Variants in ELSPBP1 observed in about 807,000 individuals in gnomAD.
The protein encoded by ELSPBP1 is epididymal sperm binding protein 1.
In ELSPBP1, 38 loss-of-function variants were observed where a neutral mutation model predicts 33.3. The observed-to-expected ratio is 1.14, with a 90% CI of 0.88 to 1.50. ELSPBP1 has a LOEUF of 1.50. Ranked by LOEUF, ELSPBP1 falls within the 40% of genes most tolerant of loss-of-function variation. ELSPBP1 has a pLI of 0.00. For synonymous variants in ELSPBP1, 85 were observed against 94.1 expected (o/e 0.90, Z 0.56); for missense variants, 267 against 263.5 (o/e 1.01, Z -0.09).
At chr19:48,002,804 A>AC (rs1966980605) in intron 1 of ELSPBP1, among the ~76,000 whole-genome samples, 1 of 151,508 alleles carries the variant, frequency 6.6e-6, no homozygotes, top group Non-Finnish European at 1.5e-5. Context: ...AAACAAACAA[A>AC]AATTCTGGCT....
intron 2 of ELSPBP1, among the ~76,000 whole-genome samples, chr19:48,009,506 G>A (rs1967056485): frequency 6.6e-6 from 1 of 152,190 alleles, no homozygotes; most frequent in Non-Finnish European, 1.5e-5. Context: ...TTGCTTACAT[G>A]TCATTCACTC....
chr19:48,010,647 A>G (rs189722508), intron 2 of ELSPBP1, among the ~76,000 whole-genome samples: 1 of 152,342 alleles, frequency 6.6e-6, no homozygotes, highest in African/African-American at 2.4e-5. Context: ...ATGGATGAAT[A>G]GCAGGGACTA....
At position 48,023,584 on chromosome 19, in the gene ELSPBP1, G is replaced by A. The variant is rs374745288; in HGVS notation, c.*7+1250G>A. ...GAAAGGAAGGGAAGGAAGGGAGGGA[G>A]GAAGGAAGGAAGGGAGGGAGGGAGG... On this transcript the variant is annotated intron_variant, in intron 6 of 6. Transcript: ENST00000339841. Among the ~76,000 whole-genome samples, 18 of 121,220 alleles carry A rather than the reference G, an allele frequency of 1.5e-4. No individual in the cohort carries two copies. The South Asian group carries it at 5.6e-3, about 38-fold the overall frequency. The allele number at this position is 121,220 out of a possible 152,430, so 79.5% of individuals were successfully genotyped here.
intron 2 of ELSPBP1, among the ~76,000 whole-genome samples, chr19:48,010,471 TAAAC>T (rs2122310342): frequency 6.6e-6 from 1 of 152,222 alleles, no homozygotes; most frequent in East Asian, 1.9e-4. Flanking sequence ...AGTGCAGAAA[TAAAC>T]AAAACCTAAA....
intron 2 of ELSPBP1, among the ~76,000 whole-genome samples, chr19:48,012,497 C>A (rs373991439): frequency 6.6e-6 from 1 of 152,046 alleles, no homozygotes; most frequent in African/African-American, 2.4e-5. Context: ...AAGGACAACT[C>A]GATATACTGT....
intron 1 of ELSPBP1, among the ~76,000 whole-genome samples, chr19:47,996,765 G>T (rs1403470372): frequency 6.6e-6 from 1 of 152,130 alleles, no homozygotes; most frequent in East Asian, 1.9e-4. Context: ...TTCTCAGAAG[G>T]TAATATTTTC....
rs181215194 is a variant in ELSPBP1, at chr19:48,020,775, T to C, written c.514+898T>C. ...CTATCTTCCAGCCTTTCTCATGTCC[T>C]ACACTCTTGATAGCTTCTGAGGGAA... On this transcript the variant is annotated intron_variant, in intron 5 of 6. Coordinates refer to ENST00000339841, the MANE Select transcript of ELSPBP1 (RefSeq NM_022142.5). Among the ~76,000 whole-genome samples, 289 of 152,224 alleles carry C rather than the reference T, an allele frequency of 1.9e-3. 1 individual carries two copies. The highest frequency in any genetic ancestry group is 6.8e-3 in the African/African-American group (284 of 41,532).
At position 48,011,071 on chromosome 19, in the gene ELSPBP1, G is replaced by A. The variant is rs1967070885; in HGVS notation, c.70+2334G>A. On this transcript the variant is annotated intron_variant, in intron 2 of 6. Coordinates refer to ENST00000339841, the MANE Select transcript of ELSPBP1 (RefSeq NM_022142.5). The surrounding 1 kb of genome is among the most constrained non-coding windows in gnomAD (Gnocchi z 4.5). Reference sequence around the variant, plus strand: ...ATGATATGACGATGATGACAATGATGACGGTAATGATGACAACAATAATAG... The same window carrying A: ...ATGATATGACGATGATGACAATGATAACGGTAATGATGACAACAATAATAG... Among the ~76,000 whole-genome samples, 1 of 152,092 alleles carries A rather than the reference G, an allele frequency of 6.6e-6. No individual in the cohort carries two copies. The highest frequency in any genetic ancestry group is 2.4e-5 in the African/African-American group (1 of 41,420).
chr19:47,995,156 T>G (rs866645899), intron 1 of ELSPBP1, among the ~76,000 whole-genome samples: 14 of 152,334 alleles, frequency 9.2e-5, no homozygotes, highest in African/African-American at 2.9e-4. Flanking sequence ...AACTTTCCCA[T>G]TTCAAGTGCT....
intron 4 of ELSPBP1, among the ~76,000 whole-genome samples, chr19:48,016,464 C>T (rs556543888): frequency 0.019 from 298 of 15,842 alleles, 8 homozygotes; most frequent in Middle Eastern, 0.071. Flanking sequence ...TCTTTTCTTT[C>T]CTTCTTTCTT....
intron 1 of ELSPBP1, among the ~76,000 whole-genome samples, chr19:48,000,211 G>A (rs933020072): frequency 2.5e-5 from 1 of 40,444 alleles, no homozygotes; most frequent in Non-Finnish European, 5.7e-5. Flanking sequence ...CCCCCACCCC[G>A]GCCGCCCCCC....
chr19:48,019,753 C>T lies in ELSPBP1; in HGVS notation c.390C>T (p.Ile130=). 6.2e-7 allele frequency: 1 copy of T among 1,614,120 alleles called. No homozygotes were observed. The highest frequency in any genetic ancestry group is 8.5e-7 in the Non-Finnish European group (1 of 1,180,010). ...YGGNSLRKPC[I]FPSIYRNNVV... ...GAAATTCTCTCAGGAAGCCCTGCAT[C>T]TTCCCCTCCATCTACAGAAATAATG... Residue 130 remains isoleucine, a synonymous_variant, in exon 5 of 7, where the codon ATC becomes ATT. Transcript: ENST00000339841.
At chr19:47,998,889 C>T (rs899047958) in intron 1 of ELSPBP1, among the ~76,000 whole-genome samples, 5 of 152,042 alleles carry the variant, frequency 3.3e-5, no homozygotes, top group African/African-American at 1.2e-4. Flanking sequence ...CCAGTAAACA[C>T]ACCGCGCATG....
rs546360523 is a variant in ELSPBP1, at chr19:48,012,677, T to A, written c.71-1494T>A. On this transcript the variant is annotated intron_variant, in intron 2 of 6. Transcript: ENST00000339841. ...TAGATACACTGCACAAAAAACAAAGTTCCTGTACTCATTGAGAAGAATAAG... is the reference window on the plus strand; with the variant it reads ...TAGATACACTGCACAAAAAACAAAGATCCTGTACTCATTGAGAAGAATAAG... Among the ~76,000 whole-genome samples the A allele has an allele frequency of 1.3e-3, 201 of 152,300 alleles. 1 individual carries two copies. The highest frequency in any genetic ancestry group is 4.8e-3 in the African/African-American group (199 of 41,570).
intron 2 of ELSPBP1, 43 bp downstream of exon 2, chr19:48,008,780 A>T (rs559747350): frequency 6.5e-7 from 1 of 1,543,424 alleles, no homozygotes; most frequent in South Asian, 1.1e-5. Context: ...GAAGCTGGAG[A>T]AGAATGAATG....
intron 1 of ELSPBP1, 104 bp from the exon 2 acceptor site, chr19:48,008,547 A>T: frequency 1.3e-6 from 1 of 748,656 alleles, no homozygotes; most frequent in Non-Finnish European, 2.2e-6. Flanking sequence ...TTTTTAAATT[A>T]CTGTGGATGG....
At position 47,999,278 on chromosome 19, in the gene ELSPBP1, T is replaced by G. The variant is rs181226087; in HGVS notation, c.-18+4467T>G. 3.9e-5 allele frequency among the ~76,000 whole-genome samples: 6 copies of G among 152,298 alleles called. No individual in the cohort carries two copies. In the East Asian group the frequency reaches 1.2e-3, roughly 29 times the overall value. On this transcript the variant is annotated intron_variant, in intron 1 of 6. Transcript: ENST00000339841. ...ACACATAAGATTATGATTTTAACTA[T>G]TTTAAAGTGCACAATTTAGTGGCGA...
chr19:47,998,153 C>A lies in ELSPBP1; in HGVS notation c.-18+3342C>A, dbSNP rs541708232. ...GATGGCCTGGGCGCGGTAGCTCAAT[C>A]CTGTAATCCCAGCACTTAGGGGGGC... On this transcript the variant is annotated intron_variant, in intron 1 of 6. Transcript: ENST00000339841. 2.0e-5 allele frequency among the ~76,000 whole-genome samples: 3 copies of A among 152,256 alleles called. No homozygotes were observed. The East Asian group carries it at 5.8e-4, about 29-fold the overall frequency.
chr19:48,024,638 C>G (rs1183391459), intron 6 of ELSPBP1, among the ~76,000 whole-genome samples: 3 of 152,198 alleles, frequency 2.0e-5, no homozygotes, highest in African/African-American at 4.8e-5. Context: ...AAAACACCCA[C>G]AGTGGCGTTC....
Sources: allele counts gnomAD v4.1 joint callset (sites outside exome capture counted in the v4.1 genomes callset), GRCh38; gene constraint gnomAD v4.1.1; non-coding constraint Gnocchi (gnomAD v3.1); transcripts MANE v1.5; gene names NCBI Gene and HGNC (gene_info 2026-07-23, HGNC 2026-07-21).